Variants in NXNL2 observed in about 807,000 individuals in gnomAD.
NXNL2 encodes the protein nucleoredoxin like 2, also known as nucleoredoxin-like protein 2.
A neutral mutation model predicts 11.1 loss-of-function variants in NXNL2; 7 were observed. The ratio of observed to expected loss-of-function variants is 0.63; its 90% CI spans 0.36 to 1.18. The LOEUF (loss-of-function observed/expected upper bound fraction) is 1.18, where lower values mean the gene tolerates loss of function less well. NXNL2 is among the 50% of genes most tolerant of loss of function. The pLI is 0.02. For synonymous variants in NXNL2, 109 were observed against 101.8 expected, an observed-to-expected ratio of 1.07 and a Z score of -0.42; for missense variants, 233 against 217.7, an observed-to-expected ratio of 1.07 and a Z score of -0.44.
chr9:88,560,776 A>G (rs78797138), intron 1 of NXNL2, among the ~76,000 whole-genome samples: 5,126 of 152,222 alleles, frequency 0.034, 302 homozygotes, highest in African/African-American at 0.11. Context: ...GAAGCTGCAG[A>G]CAACAAGCCT....
At chr9:88,574,113 T>C (rs1047092769) in intron 2 of NXNL2, among the ~76,000 whole-genome samples, 4 of 152,146 alleles carry the variant, frequency 2.6e-5, no homozygotes, top group African/African-American at 7.2e-5. Flanking sequence ...ATTCCACTCA[T>C]ATATATATAC....
intron 1 of NXNL2, among the ~76,000 whole-genome samples, chr9:88,550,662 A>T (rs1829918369): frequency 6.6e-6 from 1 of 152,282 alleles, no homozygotes; most frequent in South Asian, 2.1e-4. Context: ...AGCAGAAAGG[A>T]ATCTTGAGCT....
chr9:88,563,358 T>C (rs998927027), intron 1 of NXNL2, among the ~76,000 whole-genome samples: 2 of 152,188 alleles, frequency 1.3e-5, no homozygotes, highest in African/African-American at 4.8e-5. Context: ...ATTCATACAT[T>C]AGTTCTTCTC....
chr9:88,558,189 G>A (rs1191452062), intron 1 of NXNL2, among the ~76,000 whole-genome samples: 1 of 152,134 alleles, frequency 6.6e-6, no homozygotes, highest in Non-Finnish European at 1.5e-5. Context: ...CTCCTGGGAG[G>A]GAAGAGGGGC....
chr9:88,582,651 CCTCT>C (rs1001875552), intron 1 of NXNL2, among the ~76,000 whole-genome samples: 1 of 149,744 alleles, frequency 6.7e-6, no homozygotes, highest in Non-Finnish European at 1.5e-5. Flanking sequence ...TCCCTCCCTC[CCTCT>C]CTCTCTTTCT....
At chr9:88,571,398 C>T (rs975688981) in intron 2 of NXNL2, among the ~76,000 whole-genome samples, 1 of 152,156 alleles carries the variant, frequency 6.6e-6, no homozygotes, top group Non-Finnish European at 1.5e-5. Flanking sequence ...ATGATCAGAG[C>T]TTGGAGCTAT....
At chr9:88,563,579 A>G (rs780939001) in intron 1 of NXNL2, among the ~76,000 whole-genome samples, 22 of 152,164 alleles carry the variant, frequency 1.4e-4, no homozygotes, top group Non-Finnish European at 2.4e-4. Flanking sequence ...TGCTTTGCCC[A>G]TACAGCCACT....
chr9:88,548,653 A>G (rs952835299), downstream of NXNL2, among the ~76,000 whole-genome samples: 1 of 145,276 alleles, frequency 6.9e-6, no homozygotes, highest in Non-Finnish European at 1.5e-5. Context: ...ACTGCACTCC[A>G]GCCTGGGTAA....
chr9:88,536,052 G>T (rs937864543), intron 1 of NXNL2, among the ~76,000 whole-genome samples: 1 of 152,326 alleles, frequency 6.6e-6, no homozygotes, highest in Admixed American at 6.5e-5. Flanking sequence ...AGCTCCCAGT[G>T]GTGGTGATGC....
downstream of NXNL2, among the ~76,000 whole-genome samples, chr9:88,576,186 C>T (rs1265533271): frequency 2.6e-5 from 4 of 152,218 alleles, no homozygotes; most frequent in East Asian, 1.9e-4. Flanking sequence ...TGGAGCGAGA[C>T]TCCGTCTCAA....
chr9:88,557,351 G>C (rs1182135922), intron 1 of NXNL2, among the ~76,000 whole-genome samples: 2 of 152,154 alleles, frequency 1.3e-5, no homozygotes, highest in Non-Finnish European at 2.9e-5. Flanking sequence ...CACAGGCTTG[G>C]GTGGCTTTCC....
rs1587843435 is a variant in NXNL2 at position 88,544,600 on chromosome 9, G to A, written c.*53G>A. 11 of 1,462,848 alleles carry A rather than the reference G, an allele frequency of 7.5e-6. No individual in the cohort carries two copies. In the East Asian group the frequency reaches 1.8e-4, roughly 24 times the overall value. The allele number at this position is 1,462,848 out of a possible 1,614,324, so 90.6% of individuals were successfully genotyped here. ...CAGGTGCTGCTTCTCCAGCACCGAC[G>A]CTGGGGCAAAGAGGAGCATGTTGGG... On this transcript the variant is annotated 3_prime_UTR_variant, in exon 2 of 2. Coordinates refer to ENST00000375854, the MANE Select transcript of NXNL2 (RefSeq NM_001161625.2).
chr9:88,567,250 G>A (rs1454483932), intron 1 of NXNL2, among the ~76,000 whole-genome samples: 2 of 151,800 alleles, frequency 1.3e-5, no homozygotes, highest in African/African-American at 2.4e-5. Flanking sequence ...TCCATTCTCC[G>A]GCCTCAACCT....
In NXNL2 at chr9:88,535,470, C is replaced by T. The variant is rs759183201; in HGVS notation, c.36C>T (p.Thr12=). ...VDILGERHLV[T]CKGATVEAEA... is the part of the protein sequence containing the mutation. The stretch of plus-strand genomic sequence containing the variant: ...TTCTGGGCGAGCGGCACCTGGTGAC[C>T]TGTAAGGGCGCGACGGTGGAGGCCG... The change falls in exon 1 of 2, where the codon ACC becomes ACT. Residue 12 remains threonine, a synonymous_variant. Transcript: ENST00000375854. 28 of 1,608,332 alleles carry T rather than the reference C, an allele frequency of 1.7e-5. No homozygotes were observed. Among genetic ancestry groups the T allele is most frequent in the Non-Finnish European group, 2.3e-5 (27 of 1,178,284 alleles).
chr9:88,544,697 A>G lies in NXNL2; in HGVS notation c.*150A>G, dbSNP rs866253863. On this transcript the variant is annotated 3_prime_UTR_variant, in exon 2 of 2. Coordinates refer to ENST00000375854, the MANE Select transcript of NXNL2 (RefSeq NM_001161625.2). ...ACTAAGCTGTGGTCAAAAAGCAACTATTGCTCAGGAAATAATACACTCCAT... is the reference window on the plus strand; with the variant it reads ...ACTAAGCTGTGGTCAAAAAGCAACTGTTGCTCAGGAAATAATACACTCCAT... The G allele has an allele frequency of 1.4e-6, 2 of 1,411,010 alleles. No homozygotes were observed. The highest frequency in any genetic ancestry group is 1.8e-6 in the Non-Finnish European group (2 of 1,084,648). 87.4% of individuals were successfully genotyped at this position (1,411,010 alleles called of 1,614,324 possible). A position where few individuals can be genotyped will look rare whatever the true frequency, so the allele number is the denominator to read the frequency against.
chr9:88,567,088 G>C (rs1275429155), intron 1 of NXNL2, among the ~76,000 whole-genome samples: 2 of 151,938 alleles, frequency 1.3e-5, no homozygotes, highest in Non-Finnish European at 2.9e-5. Context: ...CCATCTGCCT[G>C]GTTGATAGAA....
rs1264204222 is a variant in NXNL2 at position 88,574,219 on chromosome 9, T to C, written c.*17-868T>C. On this transcript the variant is annotated intron_variant, in intron 2 of 2. Transcript: ENST00000375855. ...ATTGTCAAACACTGGAAGCAACCCATATGTCTGTCAATTGATGAATGGATA... is the reference window on the plus strand; with the variant it reads ...ATTGTCAAACACTGGAAGCAACCCACATGTCTGTCAATTGATGAATGGATA... Among the ~76,000 whole-genome samples the C allele has an allele frequency of 5.3e-5, 8 of 152,332 alleles. No homozygotes were observed. The East Asian group carries it at 1.5e-3, about 29-fold the overall frequency.
At chr9:88,535,789 TCC>T in intron 1 of NXNL2, 53 bp downstream of exon 1, 1 of 1,434,710 alleles carries the variant, frequency 7.0e-7, no homozygotes. Flanking sequence ...TCCCCCATGT[TCC>T]CCCAGGCCTC....
At chr9:88,579,777 CA>C (rs1830389203), downstream of NXNL2, among the ~76,000 whole-genome samples, 1 of 152,110 alleles carries the variant, frequency 6.6e-6, no homozygotes, top group African/African-American at 2.4e-5. Context: ...AGGGTGGCCC[CA>C]AACAAATGTC....
Sources: allele counts gnomAD v4.1 joint callset (sites outside exome capture counted in the v4.1 genomes callset), GRCh38; gene constraint gnomAD v4.1.1; transcripts MANE v1.5; gene names NCBI Gene and HGNC (gene_info 2026-07-23, HGNC 2026-07-21).